HMCN1: variants seen among roughly 807,000 people sequenced by gnomAD.
The protein encoded by HMCN1 is hemicentin 1, also known as hemicentin-1.
In HMCN1, 321 loss-of-function variants were observed where a neutral mutation model predicts 625.9. The ratio of observed to expected loss-of-function variants is 0.51; its 90% CI spans 0.47 to 0.56. The LOEUF (loss-of-function observed/expected upper bound fraction) is 0.56. Ranked by LOEUF, HMCN1 falls within the 20% of genes least tolerant of loss-of-function variation. The pLI is 0.00. For missense variants in HMCN1, 6,588 were observed against 6,887.3 expected, an observed-to-expected ratio of 0.96 and a Z score of 1.54; for synonymous variants, 2,425 against 2,417.6, an observed-to-expected ratio of 1.00 and a Z score of -0.09.
intron 1 of HMCN1, among the ~76,000 whole-genome samples, chr1:185,775,046 C>T (rs533223419): frequency 1.2e-4 from 19 of 152,204 alleles, no homozygotes; most frequent in African/African-American, 4.6e-4. Context: ...ACCAAATTCA[C>T]CCACTTTTCA....
intron 103 of HMCN1, among the ~76,000 whole-genome samples, chr1:186,174,864 CTG>C (rs1277872392): frequency 6.6e-6 from 1 of 152,196 alleles, no homozygotes; most frequent in African/African-American, 2.4e-5. Flanking sequence ...ATCACTTACT[CTG>C]TGCTTGCTAT....
intron 4 of HMCN1, among the ~76,000 whole-genome samples, chr1:185,887,099 T>C (rs75769583): frequency 0.071 from 10,807 of 152,064 alleles, 1,341 homozygotes; most frequent in African/African-American, 0.25. Flanking sequence ...CTTTCAAGGG[T>C]CATCTTTTGT....
At chr1:186,022,923 A>C in intron 35 of HMCN1, 107 bp from the exon 36 acceptor site, 1 of 1,148,872 alleles carries the variant, frequency 8.7e-7, no homozygotes, top group South Asian at 1.3e-5. Context: ...TTGGCATGAA[A>C]ATATTGTTAG....
intron 70 of HMCN1, among the ~76,000 whole-genome samples, chr1:186,107,676 A>ACAGC (rs146711170): frequency 0.044 from 6,646 of 152,184 alleles, 480 homozygotes; most frequent in African/African-American, 0.15. Context: ...ACCAATATAA[A>ACAGC]CAGCCCTGCT....
intron 4 of HMCN1, among the ~76,000 whole-genome samples, chr1:185,907,123 A>G (rs1160103469): frequency 2.0e-5 from 3 of 151,822 alleles, no homozygotes; most frequent in Non-Finnish European, 2.9e-5. Flanking sequence ...AGTGATCCAT[A>G]TCCTTCTCTT....
chr1:186,122,685 G>A (rs1434839880), intron 80 of HMCN1, among the ~76,000 whole-genome samples: 1 of 152,172 alleles, frequency 6.6e-6, no homozygotes, highest in African/African-American at 2.4e-5. Context: ...TTCTAGACAT[G>A]CATGCCCTCA....
At chr1:185,911,519 G>T (rs945938742) in intron 5 of HMCN1, among the ~76,000 whole-genome samples, 155 bp from the exon 6 acceptor site, 4 of 152,134 alleles carry the variant, frequency 2.6e-5, no homozygotes, top group Non-Finnish European at 2.9e-5. Flanking sequence ...AGAAAATAAA[G>T]ACTCTTTGGG....
chr1:185,817,610 C>A (rs1659923185), intron 1 of HMCN1, among the ~76,000 whole-genome samples: 2 of 152,144 alleles, frequency 1.3e-5, no homozygotes, highest in South Asian at 4.2e-4. Context: ...TTCTGAAAGT[C>A]ACTGGCCACA....
At chr1:186,187,564 T>C (rs971652780) in intron 105 of HMCN1, among the ~76,000 whole-genome samples, 4 of 152,236 alleles carry the variant, frequency 2.6e-5, no homozygotes, top group African/African-American at 7.2e-5. Context: ...TTTCTTGCTT[T>C]ATAAAACTCA....
chr1:186,188,029 C>A lies in HMCN1; in HGVS notation c.16541+20C>A, dbSNP rs1653462835. On this transcript the variant is annotated intron_variant, in intron 106 of 106. Coordinates refer to ENST00000271588, the MANE Select transcript of HMCN1 (RefSeq NM_031935.3). ...TTCAGGGTATGTCTTGCCTTCTCATCCCAGACATGCTTTTGAAAATCCTTC... is the reference window on the plus strand; with the variant it reads ...TTCAGGGTATGTCTTGCCTTCTCATACCAGACATGCTTTTGAAAATCCTTC... 1 of 1,613,488 alleles carries A rather than the reference C, an allele frequency of 6.2e-7. No individual in the cohort carries two copies. The highest frequency in any genetic ancestry group is 1.3e-5 in the African/African-American group (1 of 74,892).
chr1:185,863,397 A>T (rs1022707404), intron 2 of HMCN1, among the ~76,000 whole-genome samples: 7 of 152,206 alleles, frequency 4.6e-5, no homozygotes, highest in Admixed American at 4.6e-4. Context: ...TTGGCCCTAT[A>T]GTTATTGCTA....
At chr1:186,151,809 A>T (rs1162024248) in intron 95 of HMCN1, 66 bp downstream of exon 95, 2 of 1,477,780 alleles carry the variant, frequency 1.4e-6, no homozygotes, top group Non-Finnish European at 1.9e-6. Context: ...GTGATTAAGA[A>T]AAATACGTGT....
chr1:186,122,778 G>A (rs982634797), intron 80 of HMCN1, among the ~76,000 whole-genome samples, 173 bp from the exon 81 acceptor site: 10 of 152,012 alleles, frequency 6.6e-5, no homozygotes, highest in South Asian at 6.2e-4. Flanking sequence ...TCTGAAGTGC[G>A]CCCAGATAAT....
chr1:186,011,775 A>G (rs569715129), intron 30 of HMCN1, among the ~76,000 whole-genome samples: 1 of 152,320 alleles, frequency 6.6e-6, no homozygotes, highest in East Asian at 1.9e-4. Context: ...CACAATGACT[A>G]CCATGGTATA....
intron 101 of HMCN1, among the ~76,000 whole-genome samples, chr1:186,171,745 T>C (rs990801898): frequency 6.6e-6 from 1 of 152,164 alleles, no homozygotes; most frequent in Non-Finnish European, 1.5e-5. Flanking sequence ...TTAGTATATA[T>C]AAATTTTATT....
rs772549837 is a variant in HMCN1, at chr1:185,997,528, C to T, written c.3874+4C>T. On this transcript the variant is annotated splice_donor_region_variant and intron_variant, in intron 25 of 106. Coordinates refer to ENST00000271588, the MANE Select transcript of HMCN1 (RefSeq NM_031935.3). ...GAATTTCCATGTCCTGCAAAAGGTA[C>T]GTAATACTGAAAGATATAGGCATTG... The T allele has an allele frequency of 1.4e-5, 22 of 1,583,736 alleles. No individual in the cohort carries two copies. Among genetic ancestry groups the T allele is most frequent in the Admixed American group, 8.4e-5 (5 of 59,834 alleles).
At chr1:186,064,444 T>G (rs1180466624) in intron 48 of HMCN1, among the ~76,000 whole-genome samples, 1 of 152,064 alleles carries the variant, frequency 6.6e-6, no homozygotes, top group Non-Finnish European at 1.5e-5. Context: ...ACTCAAAATA[T>G]CTGCATGTTG....
intron 36 of HMCN1, among the ~76,000 whole-genome samples, chr1:186,023,956 A>G (rs1463929137): frequency 6.6e-6 from 1 of 152,224 alleles, no homozygotes; most frequent in Non-Finnish European, 1.5e-5. Context: ...TAGGTGAATG[A>G]AAAAGTTTTC....
In HMCN1 at chr1:185,734,415, G is replaced by A. The variant is rs746043832; in HGVS notation, c.-365G>A. On this transcript the variant is annotated 5_prime_UTR_variant, in exon 1 of 107. Coordinates refer to ENST00000271588, the MANE Select transcript of HMCN1 (RefSeq NM_031935.3). Reference sequence around the variant, plus strand: ...CAGTCGCTGGCCCAGGCGGAGAGCAGCGGCGGCGGCGAGGGCAGCGGGATT... The same window carrying A: ...CAGTCGCTGGCCCAGGCGGAGAGCAACGGCGGCGGCGAGGGCAGCGGGATT... 6 of 230,612 alleles carry A rather than the reference G, an allele frequency of 2.6e-5. No homozygotes were observed. Among genetic ancestry groups the A allele is most frequent in the Admixed American group, 1.1e-4 (2 of 17,484 alleles). 14.3% of individuals were successfully genotyped at this position (230,612 alleles called of 1,614,324 possible). A position where few individuals can be genotyped will look rare whatever the true frequency, so the allele number is the denominator to read the frequency against.
Sources: allele counts gnomAD v4.1 joint callset (sites outside exome capture counted in the v4.1 genomes callset), GRCh38; gene constraint gnomAD v4.1.1; transcripts MANE v1.5; gene names NCBI Gene and HGNC (gene_info 2026-07-23, HGNC 2026-07-21).